LDB2: variants seen among roughly 807,000 people sequenced by gnomAD.
LDB2 encodes the protein LIM domain binding 2, also known as LIM domain-binding protein 2.
A neutral mutation model predicts 44.3 loss-of-function variants in LDB2; 12 were observed. That is an observed-to-expected ratio of 0.27 (90% CI 0.17 to 0.44). The LOEUF is 0.44. Ranked by LOEUF, LDB2 falls within the 20% of genes least tolerant of loss-of-function variation. LDB2 has a pLI of 1.00. For missense variants in LDB2, 344 were observed against 473.5 expected, an observed-to-expected ratio of 0.73 and a Z score of 2.54; for synonymous variants, 164 against 174.8, an observed-to-expected ratio of 0.94 and a Z score of 0.49.
chr4:16,717,717 G>A (rs973866247), intron 2 of LDB2, among the ~76,000 whole-genome samples: 13 of 152,028 alleles, frequency 8.6e-5, no homozygotes, highest in East Asian at 1.9e-4. Flanking sequence ...ACCTCCCCTT[G>A]GCTGGACTGA....
chr4:16,503,186 T>C, intron 7 of LDB2: 1 of 1,522,428 alleles, frequency 6.6e-7, no homozygotes, highest in Non-Finnish European at 8.8e-7. Context: ...TGCTTTCAAC[T>C]TGCCGACATT....
chr4:16,886,412 C>T (rs1219940059), intron 1 of LDB2, among the ~76,000 whole-genome samples: 3 of 152,068 alleles, frequency 2.0e-5, no homozygotes, highest in Non-Finnish European at 1.5e-5. Flanking sequence ...CTTAAAAGAG[C>T]TGGATTCAAA....
chr4:16,845,857 C>T (rs946767942), intron 1 of LDB2, among the ~76,000 whole-genome samples: 5 of 151,854 alleles, frequency 3.3e-5, no homozygotes, highest in African/African-American at 9.7e-5. Context: ...CCTGTAATCC[C>T]AGCAGTTTGG....
intron 5 of LDB2, among the ~76,000 whole-genome samples, chr4:16,551,686 T>G (rs1737732163): frequency 6.6e-6 from 1 of 151,912 alleles, no homozygotes; most frequent in Non-Finnish European, 1.5e-5. Context: ...CCCAAATAAT[T>G]TTTGTATTTT....
chr4:16,669,379 G>A (rs1744150713), intron 2 of LDB2, among the ~76,000 whole-genome samples: 1 of 152,136 alleles, frequency 6.6e-6, no homozygotes, highest in South Asian at 2.1e-4. Context: ...CACAGAGACA[G>A]GTACAGCTGC....
At chr4:16,650,217 G>A (rs910146462) in intron 2 of LDB2, among the ~76,000 whole-genome samples, 5 of 152,174 alleles carry the variant, frequency 3.3e-5, no homozygotes, top group Admixed American at 1.3e-4. Context: ...TTTCCCAACT[G>A]TAAAATGGAG....
Position 16,659,689 on chromosome 4 carries a change from A to ATATATATATATATATATATATGTATG in LDB2, c.236-63815_236-63814insCATACATATATATATATATATATATA, listed in dbSNP as rs1310756163. ...TATGTGTGTATATATATATATATAT[A>ATATATATATATATATATATATGTATG]TATGTATGTATGTATATATGTAACA... On this transcript the variant is annotated intron_variant, in intron 2 of 7. Coordinates refer to ENST00000304523, the MANE Select transcript of LDB2 (RefSeq NM_001290.5). Among the ~76,000 whole-genome samples the ATATATATATATATATATATATGTATG allele has an allele frequency of 6.4e-5, 9 of 140,656 alleles. No homozygotes were observed. The East Asian group carries it at 9.2e-4, about 14-fold the overall frequency. The allele number at this position is 140,656 out of a possible 152,430, so 92.3% of individuals were successfully genotyped here. A position where few individuals can be genotyped will look rare whatever the true frequency, so the allele number is the denominator to read the frequency against.
intron 1 of LDB2, among the ~76,000 whole-genome samples, chr4:16,867,614 A>G (rs1715133850): frequency 6.6e-6 from 1 of 152,200 alleles, no homozygotes; most frequent in South Asian, 2.1e-4. Flanking sequence ...AGATATAGCT[A>G]CTTAAAGAAT....
chr4:16,729,235 C>T (rs1413048040), intron 2 of LDB2, among the ~76,000 whole-genome samples: 2 of 152,178 alleles, frequency 1.3e-5, no homozygotes, highest in Non-Finnish European at 2.9e-5. Flanking sequence ...ACCCTCCAGC[C>T]CTTTCTCCTC....
At chr4:16,781,686 C>T (rs1031788378) in intron 1 of LDB2, among the ~76,000 whole-genome samples, 3 of 152,120 alleles carry the variant, frequency 2.0e-5, no homozygotes, top group African/African-American at 7.2e-5. Flanking sequence ...CAACTGTGCT[C>T]GATTGAATGG....
chr4:16,673,699 T>G (rs763289165), intron 2 of LDB2, among the ~76,000 whole-genome samples: 43 of 152,136 alleles, frequency 2.8e-4, no homozygotes, highest in Non-Finnish European at 5.7e-4. Flanking sequence ...GTTGCCACAA[T>G]TGATGGGGTG....
chr4:16,813,010 T>C (rs1337282040), intron 1 of LDB2, among the ~76,000 whole-genome samples: 1 of 151,982 alleles, frequency 6.6e-6, no homozygotes, highest in East Asian at 1.9e-4. Flanking sequence ...TTTTTTTTTC[T>C]TTTTTGAGAC....
intron 3 of LDB2, among the ~76,000 whole-genome samples, chr4:16,591,412 T>G (rs1391864638): frequency 1.3e-5 from 2 of 152,178 alleles, no homozygotes; most frequent in Non-Finnish European, 2.9e-5. Context: ...GCAGCAGGCC[T>G]TGGGCTCCTC....
chr4:16,781,274 C>A (rs1242606903), intron 1 of LDB2, among the ~76,000 whole-genome samples: 1 of 152,162 alleles, frequency 6.6e-6, no homozygotes, highest in African/African-American at 2.4e-5. Context: ...GAAGTGAAGG[C>A]AGCTGTCATG....
intron 2 of LDB2, among the ~76,000 whole-genome samples, chr4:16,705,273 C>A (rs981268764): frequency 1.3e-5 from 2 of 152,082 alleles, no homozygotes; most frequent in East Asian, 3.9e-4. Flanking sequence ...AGTTCACATC[C>A]ATGCCCTATG....
At chr4:16,790,594 A>C (rs1476537109) in intron 1 of LDB2, among the ~76,000 whole-genome samples, 2 of 151,952 alleles carry the variant, frequency 1.3e-5, no homozygotes, top group Non-Finnish European at 2.9e-5. Flanking sequence ...AGATCACCTA[A>C]GGATGCGTTT....
chr4:16,608,541 C>T (rs188002307), intron 2 of LDB2, among the ~76,000 whole-genome samples: 5 of 152,302 alleles, frequency 3.3e-5, no homozygotes, highest in African/African-American at 4.8e-5. Flanking sequence ...GCGGCCTCTG[C>T]GCATTCTATG....
chr4:16,546,747 T>C (rs1048054447), intron 5 of LDB2, among the ~76,000 whole-genome samples: 3 of 152,206 alleles, frequency 2.0e-5, no homozygotes, highest in African/African-American at 4.8e-5. Flanking sequence ...TATTTAACCT[T>C]GCTGTCCATG....
intron 1 of LDB2, among the ~76,000 whole-genome samples, chr4:16,866,706 C>T (rs1714820998): frequency 6.6e-6 from 1 of 152,220 alleles, no homozygotes; most frequent in Non-Finnish European, 1.5e-5. Flanking sequence ...ACATATTCCA[C>T]TGACATGTTA....
Sources: gnomAD v4.1 joint callset for allele counts (sites outside exome capture counted in the v4.1 genomes callset) on GRCh38, gnomAD v4.1.1 for gene constraint, MANE v1.5 for transcripts, NCBI Gene and HGNC (gene_info 2026-07-23, HGNC 2026-07-21) for gene names.